Variants in ATXN7 observed in about 807,000 individuals in gnomAD.
The protein encoded by ATXN7 is ataxin 7.
ATXN7 carries 12 observed loss-of-function variants against 70.5 expected under a neutral mutation model. The observed-to-expected ratio is 0.17, with a 90% CI of 0.11 to 0.28. The LOEUF (loss-of-function observed/expected upper bound fraction) is 0.28. ATXN7 is among the 10% of genes least tolerant of loss of function. The pLI is 1.00. For synonymous variants in ATXN7, 498 were observed against 448.7 expected (o/e 1.11, Z -1.39); for missense variants, 1,256 against 1,131.7 (o/e 1.11, Z -1.58).
intron 1 of ATXN7, chr3:63,866,754 G>C (rs1702443414): frequency 6.6e-6 from 1 of 152,130 alleles, no homozygotes; most frequent in African/African-American, 2.4e-5. Flanking sequence ...TTTACAAGTG[G>C]TCTTCTTTTT....
At chr3:63,876,085 C>T (rs1247176543) in intron 1 of ATXN7, among the ~76,000 whole-genome samples, 1 of 152,082 alleles carries the variant, frequency 6.6e-6, no homozygotes, top group East Asian at 1.9e-4. Flanking sequence ...CTATTTTTTC[C>T]TCTTGCATTT....
At chr3:63,899,852 C>G (rs972915774) in intron 2 of ATXN7, among the ~76,000 whole-genome samples, 21 of 152,072 alleles carry the variant, frequency 1.4e-4, no homozygotes, top group Non-Finnish European at 2.8e-4. Context: ...CTCCTGACTT[C>G]GCGATCTGCC....
chr3:63,898,620 T>C (rs1445199851), intron 2 of ATXN7, 123 bp downstream of exon 2: 2 of 152,230 alleles, frequency 1.3e-5, no homozygotes, highest in Non-Finnish European at 2.9e-5. Flanking sequence ...AGATCTCAAA[T>C]GTTAAATGTA....
intron 1 of ATXN7, among the ~76,000 whole-genome samples, chr3:63,884,238 CACAT>C (rs764083148): frequency 0.028 from 3,256 of 115,104 alleles, 44 homozygotes; most frequent in Middle Eastern, 0.04. Context: ...CACACACACA[CACAT>C]ACTCTCACAC....
chr3:63,932,886 A>G (rs1433823924), intron 4 of ATXN7, among the ~76,000 whole-genome samples: 3 of 152,134 alleles, frequency 2.0e-5, no homozygotes, highest in African/African-American at 7.2e-5. Flanking sequence ...TCACAGATAG[A>G]TCTGTCTAAT....
intron 11 of ATXN7, among the ~76,000 whole-genome samples, chr3:63,991,858 T>A (rs538767961): frequency 2.8e-4 from 42 of 152,128 alleles, no homozygotes; most frequent in Non-Finnish European, 5.3e-4. Context: ...ACTGCAGAAC[T>A]TGTCAGAGCC....
At chr3:63,962,681 AG>A (rs1271186582) in intron 5 of ATXN7, among the ~76,000 whole-genome samples, 1 of 152,082 alleles carries the variant, frequency 6.6e-6, no homozygotes, top group Non-Finnish European at 1.5e-5. Flanking sequence ...CTGGGATTAT[AG>A]GCGTGAACCA....
At chr3:63,916,923 ATTG>A (rs1268636400) in intron 4 of ATXN7, among the ~76,000 whole-genome samples, 1 of 151,662 alleles carries the variant, frequency 6.6e-6, no homozygotes, top group Non-Finnish European at 1.5e-5. Context: ...TGTTGTTGTT[ATTG>A]TTGTTGAGAT....
chr3:63,939,313 G>A (rs972554759), intron 4 of ATXN7, among the ~76,000 whole-genome samples: 5 of 152,070 alleles, frequency 3.3e-5, no homozygotes, highest in African/African-American at 1.2e-4. Context: ...CCTTCTAAAT[G>A]TCTTGGAATC....
Position 63,980,002 on chromosome 3 carries a change from A to G in ATXN7, c.587A>G (p.Lys196Arg), listed in dbSNP as rs2075458647. 1 of 1,614,156 alleles carries G rather than the reference A, an allele frequency of 6.2e-7. No homozygotes were observed. Among genetic ancestry groups the G allele is most frequent in the Non-Finnish European group, 8.5e-7 (1 of 1,180,020 alleles). Residue 196 changes from lysine to arginine, a missense_variant, in exon 6 of 13, where the codon AAA (lysine) becomes AGA (arginine). Coordinates refer to ENST00000674280, the MANE Select transcript of ATXN7 (RefSeq NM_001377405.1). ...FSFFPSLSKS[K>R]GGSASGSNRS... ...TTCTTCCCTTCTCTGTCCAAAAGCA[A>G]AGGAGGCAGTGCAAGTGGAAGCAAC...
chr3:63,939,964 T>TA lies in ATXN7; in HGVS notation c.395-12404dup, dbSNP rs551657537. On this transcript the variant is annotated intron_variant, in intron 4 of 12. Transcript: ENST00000674280. Reference sequence around the variant, plus strand: ...ATTCTGTGACCTATTCCTAGGGTGTTAAAAAAAAAAATCAGCAGTGATTCT... The same window carrying TA: ...ATTCTGTGACCTATTCCTAGGGTGTTAAAAAAAAAAAATCAGCAGTGATTCT... Among the ~76,000 whole-genome samples, 200 of 147,820 alleles carry TA rather than the reference T, an allele frequency of 1.4e-3. 1 individual carries two copies. The highest frequency in any genetic ancestry group is 0.011 in the East Asian group (57 of 5,074).
At chr3:63,918,278 A>G (rs937671170) in intron 4 of ATXN7, among the ~76,000 whole-genome samples, 1 of 152,080 alleles carries the variant, frequency 6.6e-6, no homozygotes, top group Admixed American at 6.5e-5. Flanking sequence ...TTTCTTTCCT[A>G]GGGGAAAAAA....
intron 1 of ATXN7, among the ~76,000 whole-genome samples, chr3:63,897,751 A>G (rs58314123): frequency 2.0e-5 from 3 of 152,306 alleles, no homozygotes; most frequent in East Asian, 3.9e-4. Flanking sequence ...TGAGATTTGA[A>G]GACCAGCTTA....
intron 7 of ATXN7, among the ~76,000 whole-genome samples, chr3:63,982,675 T>C (rs539008345): frequency 6.8e-6 from 1 of 147,928 alleles, no homozygotes; most frequent in East Asian, 2.0e-4. Flanking sequence ...AAAAGTAGCT[T>C]TCTAGTGGTG....
chr3:63,907,438 A>G (rs1292022758), intron 2 of ATXN7, among the ~76,000 whole-genome samples: 1 of 150,274 alleles, frequency 6.7e-6, no homozygotes, highest in Non-Finnish European at 1.5e-5. Flanking sequence ...ATATTGGTCC[A>G]ACTTTTCCAT....
At chr3:63,959,913 C>T (rs2075098460) in intron 5 of ATXN7, among the ~76,000 whole-genome samples, 1 of 152,260 alleles carries the variant, frequency 6.6e-6, no homozygotes, top group African/African-American at 2.4e-5. Context: ...AGGCATTGCC[C>T]TCCACTGAGG....
At chr3:63,981,883 T>C (rs779519705) in intron 6 of ATXN7, among the ~76,000 whole-genome samples, 18 of 152,364 alleles carry the variant, frequency 1.2e-4, no homozygotes, top group South Asian at 4.1e-4. Flanking sequence ...TTGCTTCTTA[T>C]AGAAATTGCA....
At chr3:63,968,065 A>C in intron 5 of ATXN7, 1 of 1,041,718 alleles carries the variant, frequency 9.6e-7, no homozygotes, top group Non-Finnish European at 1.4e-6. Flanking sequence ...GGTCTTTGCT[A>C]ACCTTACATA....
intron 1 of ATXN7, among the ~76,000 whole-genome samples, chr3:63,893,482 A>T (rs1265066328): frequency 6.6e-6 from 1 of 152,226 alleles, no homozygotes; most frequent in Non-Finnish European, 1.5e-5. Context: ...AAAAGAGTGA[A>T]GGATGGCTAT....
Sources: gnomAD v4.1 joint callset for allele counts (sites outside exome capture counted in the v4.1 genomes callset) on GRCh38, gnomAD v4.1.1 for gene constraint, MANE v1.5 for transcripts, NCBI Gene and HGNC (gene_info 2026-07-23, HGNC 2026-07-21) for gene names.